SYT16: variants seen among roughly 807,000 people sequenced by gnomAD.
The protein encoded by SYT16 is synaptotagmin 16.
In SYT16, 42 loss-of-function variants were observed where a neutral mutation model predicts 61.4. The ratio of observed to expected loss-of-function variants is 0.68; its 90% CI spans 0.53 to 0.89. SYT16 has a LOEUF of 0.89. SYT16 is among the 40% of genes least tolerant of loss of function. SYT16 has a pLI of 0.00. For synonymous variants in SYT16, 314 were observed against 302.3 expected (o/e 1.04, Z -0.40); for missense variants, 804 against 807.3 (o/e 1.00, Z 0.05).
At chr14:62,077,300 G>A (rs575216806) in intron 5 of SYT16, among the ~76,000 whole-genome samples, 2 of 152,332 alleles carry the variant, frequency 1.3e-5, no homozygotes, top group Admixed American at 6.5e-5. Flanking sequence ...TTAAGGAAAA[G>A]CCCAGGATAT....
intron 1 of SYT16, among the ~76,000 whole-genome samples, chr14:61,857,428 T>C (rs1397765388): frequency 2.0e-5 from 3 of 152,204 alleles, no homozygotes; most frequent in Non-Finnish European, 4.4e-5. Context: ...CCAGGGAACA[T>C]GACATGTACC....
chr14:61,845,021 C>A (rs1419630742), intron 1 of SYT16, among the ~76,000 whole-genome samples: 2 of 127,152 alleles, frequency 1.6e-5, no homozygotes, highest in Admixed American at 7.9e-5. Context: ...GAGTTGCAAG[C>A]TTTTCTTTAC....
At chr14:61,838,449 TGAGA>T (rs1033754736) in intron 1 of SYT16, among the ~76,000 whole-genome samples, 1 of 152,106 alleles carries the variant, frequency 6.6e-6, no homozygotes, top group Admixed American at 6.6e-5. Context: ...ACGACCACCC[TGAGA>T]GAGAATGCAC....
At chr14:61,877,979 T>C (rs897057055) in intron 1 of SYT16, among the ~76,000 whole-genome samples, 36 of 152,052 alleles carry the variant, frequency 2.4e-4, no homozygotes, top group Non-Finnish European at 4.6e-4. Flanking sequence ...CCAGTATACC[T>C]TGCCCTGGGC....
At chr14:62,072,761 G>T (rs2056345130) in intron 4 of SYT16, among the ~76,000 whole-genome samples, 1 of 152,156 alleles carries the variant, frequency 6.6e-6, no homozygotes. Context: ...CAGATGGTAA[G>T]CAGAAGTCTT....
At chr14:62,053,311 G>T (rs568182279) in intron 3 of SYT16, among the ~76,000 whole-genome samples, 1 of 152,312 alleles carries the variant, frequency 6.6e-6, no homozygotes, top group South Asian at 2.1e-4. Context: ...CCTGCCCTCA[G>T]ACTGAAACTT....
chr14:61,863,269 A>C (rs1269881529), intron 1 of SYT16, among the ~76,000 whole-genome samples: 1 of 149,318 alleles, frequency 6.7e-6, no homozygotes, highest in African/African-American at 2.5e-5. Flanking sequence ...TTGTTCCGCA[A>C]CCTCTCCAGC....
intron 1 of SYT16, among the ~76,000 whole-genome samples, chr14:61,822,168 A>G (rs1243806310): frequency 6.6e-6 from 1 of 152,216 alleles, no homozygotes; most frequent in African/African-American, 2.4e-5. Context: ...TCTGAGGTCA[A>G]AAGACTGAGA....
chr14:61,932,510 C>A (rs750472879), intron 1 of SYT16, among the ~76,000 whole-genome samples: 1 of 152,088 alleles, frequency 6.6e-6, no homozygotes, highest in African/African-American at 2.4e-5. Flanking sequence ...ACTATTAAAC[C>A]TTATAAAACC....
At chr14:61,883,945 C>G (rs1594823813) in intron 1 of SYT16, among the ~76,000 whole-genome samples, 1 of 152,302 alleles carries the variant, frequency 6.6e-6, no homozygotes, top group East Asian at 1.9e-4. Context: ...GACTCACTAA[C>G]TATCATGAGA....
chr14:62,026,069 G>A (rs1363933517), intron 3 of SYT16, among the ~76,000 whole-genome samples: 1 of 152,022 alleles, frequency 6.6e-6, no homozygotes, highest in Non-Finnish European at 1.5e-5. Flanking sequence ...TCTTTTATAT[G>A]CCTTATAGTA....
chr14:62,013,317 A>C (rs924830506), intron 3 of SYT16, among the ~76,000 whole-genome samples: 3 of 152,178 alleles, frequency 2.0e-5, no homozygotes, highest in African/African-American at 7.2e-5. Flanking sequence ...GGTTGTCCCA[A>C]AGGGGGTTGA....
At chr14:61,920,341 TTGC>T (rs1034701105) in intron 1 of SYT16, among the ~76,000 whole-genome samples, 2 of 152,196 alleles carry the variant, frequency 1.3e-5, no homozygotes, top group African/African-American at 4.8e-5. Flanking sequence ...CCATGGTGGC[TTGC>T]TGCACCTCAC....
rs1025804910 is a variant in SYT16, at chr14:61,867,976, T to C, written c.-325+55166T>C. 1.4e-4 allele frequency among the ~76,000 whole-genome samples: 21 copies of C among 152,240 alleles called. 1 individual carries two copies. Among genetic ancestry groups the C allele is most frequent in the Admixed American group, 1.1e-3 (17 of 15,310 alleles). On this transcript the variant is annotated intron_variant, in intron 1 of 7. Transcript: ENST00000683842. ...ATGTTGAATTACATTGAGTTTTGAATGTTGAATCAGTCTTGTATTATTGGG... is the reference window on the plus strand; with the variant it reads ...ATGTTGAATTACATTGAGTTTTGAACGTTGAATCAGTCTTGTATTATTGGG...
chr14:61,889,602 C>G (rs1324515014), intron 1 of SYT16, among the ~76,000 whole-genome samples: 1 of 151,888 alleles, frequency 6.6e-6, no homozygotes, highest in Non-Finnish European at 1.5e-5. Flanking sequence ...CTCTCTCTCT[C>G]TCTGTCTCCC....
At chr14:61,917,907 C>T (rs2049180658) in intron 1 of SYT16, among the ~76,000 whole-genome samples, 1 of 152,112 alleles carries the variant, frequency 6.6e-6, no homozygotes, top group Non-Finnish European at 1.5e-5. Flanking sequence ...ATACCTTATA[C>T]ACATAATCTG....
chr14:61,896,322 G>T (rs1280035886), intron 1 of SYT16, among the ~76,000 whole-genome samples: 1 of 152,152 alleles, frequency 6.6e-6, no homozygotes, highest in Non-Finnish European at 1.5e-5. Context: ...AAACCCCTTT[G>T]TCCTGGAGTC....
intron 2 of SYT16, among the ~76,000 whole-genome samples, chr14:61,978,289 A>G (rs1228399556): frequency 6.6e-6 from 1 of 152,180 alleles, no homozygotes; most frequent in Non-Finnish European, 1.5e-5. Flanking sequence ...AAATAAGGAG[A>G]GTTGATGAAA....
chr14:61,904,402 A>G (rs1194543431), intron 1 of SYT16, among the ~76,000 whole-genome samples: 1 of 152,196 alleles, frequency 6.6e-6, no homozygotes, highest in Non-Finnish European at 1.5e-5. Flanking sequence ...GTAATGTGAA[A>G]TGCAAACCTG....
Sources: allele counts gnomAD v4.1 joint callset (sites outside exome capture counted in the v4.1 genomes callset), GRCh38; gene constraint gnomAD v4.1.1; transcripts MANE v1.5; gene names NCBI Gene and HGNC (gene_info 2026-07-23, HGNC 2026-07-21).